Variants in ZNF99 observed in about 807,000 individuals in gnomAD.
ZNF99 encodes the protein zinc finger protein ENSP00000375192.
In ZNF99, 8 loss-of-function variants were observed where a neutral mutation model predicts 12.8. The observed-to-expected ratio is 0.62, with a 90% confidence interval of 0.37 to 1.13. The LOEUF is 1.13. Ranked by LOEUF, ZNF99 falls within the 50% of genes most tolerant of loss-of-function variation. The probability of loss-of-function intolerance (pLI) is 0.02; values close to 1 mark genes in which losing one functional copy is unlikely to be tolerated. For missense variants in ZNF99, 1,007 were observed against 1,006.2 expected, an observed-to-expected ratio of 1.00 and a Z score of -0.01; for synonymous variants, 318 against 319.0, an observed-to-expected ratio of 1.00 and a Z score of 0.03.
chr19:22,769,583 C>T (rs924461436), intron 1 of ZNF99, among the ~76,000 whole-genome samples: 2 of 151,814 alleles, frequency 1.3e-5, no homozygotes, highest in Admixed American at 6.6e-5. Flanking sequence ...CTGGCTAACA[C>T]GGTGAAACCC....
In ZNF99 at chr19:22,755,860, T is replaced by G. The variant is rs1287560413; in HGVS notation, c.*1454A>C. On this transcript the variant is annotated 3_prime_UTR_variant, in exon 4 of 4. Transcript: ENST00000596209. ...CCAGTTAAAAGCTTTGCCATATTAT[T>G]CACATTTGTGGAGTTTATCTTCTTT... 6.1e-6 allele frequency: 2 copies of G among 328,730 alleles called. No individual in the cohort carries two copies. The highest frequency in any genetic ancestry group is 1.2e-5 in the Non-Finnish European group (2 of 165,672). The allele number at this position is 328,730 out of a possible 1,614,324, so 20.4% of individuals were successfully genotyped here. A position where few individuals can be genotyped will look rare whatever the true frequency, so the allele number is the denominator to read the frequency against.
At chr19:22,764,223 A>C (rs1303897851) in intron 3 of ZNF99, among the ~76,000 whole-genome samples, 1 of 152,104 alleles carries the variant, frequency 6.6e-6, no homozygotes, top group Non-Finnish European at 1.5e-5. Context: ...TCTTTTCAAC[A>C]AATGATGCTG....
Position 22,768,382 on chromosome 19 carries a change from A to G in ZNF99, c.149T>C (p.Leu50Pro), listed in dbSNP as rs2145150902. ...TTGCTTCAGACAAGTTATCAAGTCT[A>G]GCTTAGAGACAGCGATACCTGTTTT... ...LVFLGIAVSK[L>P]DLITCLKQGK... is the part of the protein sequence containing the mutation. Residue 50 changes from leucine to proline, a missense_variant, in exon 3 of 4, where the codon CTA (leucine) becomes CCA (proline). Leu to Pro is a moderately conservative substitution (Grantham distance 98). Coordinates refer to ENST00000596209, the MANE Select transcript of ZNF99 (RefSeq NM_001080409.3). 1 of 1,612,358 alleles carries G rather than the reference A, an allele frequency of 6.2e-7. No homozygotes were observed. Among genetic ancestry groups the G allele is most frequent in the South Asian group, 1.1e-5 (1 of 90,408 alleles).
intron 1 of ZNF99, among the ~76,000 whole-genome samples, chr19:22,782,661 CTTTTTTTTTT>C (rs71180598): frequency 1.2e-5 from 1 of 86,638 alleles, no homozygotes; most frequent in East Asian, 3.6e-4. Context: ...CGCACCTGGC[CTTTTTTTTTT>C]TTTTTTTTTT....
chr19:22,780,962 T>C (rs575210443), intron 1 of ZNF99, among the ~76,000 whole-genome samples: 7 of 152,230 alleles, frequency 4.6e-5, no homozygotes, highest in Non-Finnish European at 1.0e-4. Flanking sequence ...CTTGGTAGCA[T>C]TTGAAAAGTC....
In ZNF99 at chr19:22,756,627, T is replaced by C. The variant is rs146384691; in HGVS notation, c.*687A>G. Reference sequence around the variant, plus strand: ...TGCCACATTCTTCACATTTGTACGGTTTCTCCCCAGTATGAATTATCTTAT... The same window carrying C: ...TGCCACATTCTTCACATTTGTACGGCTTCTCCCCAGTATGAATTATCTTAT... On this transcript the variant is annotated 3_prime_UTR_variant, in exon 4 of 4. Transcript: ENST00000596209. 6 of 1,595,956 alleles carry C rather than the reference T, an allele frequency of 3.8e-6. 2 individuals are homozygous for C. In the African/African-American group the frequency reaches 9.1e-5, roughly 24 times the overall value.
rs1338399557 is a variant in ZNF99, at chr19:22,757,429, T to C, written c.2480A>G (p.Gln827Arg). ...ATGTAAAGTAAGTTTTGAGGACCAC[T>C]GAAAAGCTTTACCACATTCTTCACA... is the stretch of plus-strand genomic sequence containing the variant. ...YKCEECGKAF[Q>R]WSSKLTLHKV... The change falls in exon 4 of 4, where the codon CAG (glutamine) becomes CGG (arginine). Residue 827 changes from glutamine (Q) to arginine (R), a missense_variant. Physicochemically the swap from Gln to Arg is conservative, Grantham distance 43 (BLOSUM62 1). Coordinates refer to ENST00000596209, the MANE Select transcript of ZNF99 (RefSeq NM_001080409.3). 3.7e-6 allele frequency: 6 copies of C among 1,609,268 alleles called. No individual in the cohort carries two copies. The highest frequency in any genetic ancestry group is 5.1e-6 in the Non-Finnish European group (6 of 1,178,752).
chr19:22,759,310 A>C lies in ZNF99; in HGVS notation c.599T>G (p.Ile200Ser), dbSNP rs924000460. The change falls in exon 4 of 4, where the codon ATC becomes AGC. Residue 200 changes from isoleucine (I) to serine (S), a missense_variant. Ile to Ser is a moderately radical substitution (Grantham distance 142). Transcript: ENST00000596209. ...TTTGCCACGTTCTTCACATTTGTAGATATTCTCTCTAGTATGAATTCTCTT... is the reference window on the plus strand; with the variant it reads ...TTTGCCACGTTCTTCACATTTGTAGCTATTCTCTCTAGTATGAATTCTCTT... ...QHKRIHTREN[I>S]YKCEERGKAF... The C allele has an allele frequency of 1.3e-6, 2 of 1,549,160 alleles. No individual in the cohort carries two copies. The highest frequency in any genetic ancestry group is 2.7e-5 in the African/African-American group (2 of 72,994).
Position 22,753,012 on chromosome 19 carries a change from T to C in ZNF99, c.*4302A>G, listed in dbSNP as rs560813661. The C allele has an allele frequency of 3.3e-5, 5 of 152,210 alleles. No individual in the cohort carries two copies. Among genetic ancestry groups the C allele is most frequent in the Non-Finnish European group, 7.4e-5 (5 of 67,966 alleles). The allele number at this position is 152,210 out of a possible 1,614,324, so 9.4% of individuals were successfully genotyped here. ...AAAAAGGTCATAAATAATGCCCATC[T>C]AATAAAAAAGAATCTTTCATATCTC... On this transcript the variant is annotated 3_prime_UTR_variant, in exon 4 of 4. Transcript: ENST00000596209.
intron 1 of ZNF99, among the ~76,000 whole-genome samples, chr19:22,776,098 C>G (rs1347840944): frequency 6.6e-6 from 1 of 151,834 alleles, no homozygotes; most frequent in African/African-American, 2.4e-5. Flanking sequence ...CGCCTGTAAT[C>G]CCAGCATCTT....
At chr19:22,770,503 C>T (rs111675286) in intron 1 of ZNF99, 13,046 of 152,392 alleles carry the variant, frequency 0.086, 573 homozygotes, top group Middle Eastern at 0.11. Flanking sequence ...ACTACAGGCG[C>T]GTGCCACCAC....
At chr19:22,775,973 G>A (rs1973321685) in intron 1 of ZNF99, among the ~76,000 whole-genome samples, 1 of 152,174 alleles carries the variant, frequency 6.6e-6, no homozygotes, top group Non-Finnish European at 1.5e-5. Context: ...AGTGTGCCGA[G>A]ACTGTGCCAC....
intron 1 of ZNF99, among the ~76,000 whole-genome samples, chr19:22,776,424 T>TG (rs1973328612): frequency 4.2e-5 from 1 of 23,744 alleles, no homozygotes; most frequent in Non-Finnish European, 7.9e-5. Context: ...TATATATATA[T>TG]ATATATATAT....
rs775581334 is a variant in ZNF99, at chr19:22,758,723, G to A, written c.1186C>T (p.Pro396Ser). ...KHEIIHTGQK[P>S]YKCEECGKAF... ...TTACCACATTCTTCACATTTGTAGG[G>A]TTTCTGTCCAGTATGAATTATCTCA... The change falls in exon 4 of 4, where the codon CCC (proline) becomes TCC (serine). Residue 396 changes from proline to serine, a missense_variant. Coordinates refer to ENST00000596209, the MANE Select transcript of ZNF99 (RefSeq NM_001080409.3). The A allele has an allele frequency of 5.3e-5, 85 of 1,613,574 alleles. No homozygotes were observed. The highest frequency in any genetic ancestry group is 1.7e-4 in the Middle Eastern group (1 of 6,054).
intron 1 of ZNF99, among the ~76,000 whole-genome samples, chr19:22,782,366 T>C (rs1371841487): frequency 1.3e-5 from 2 of 150,274 alleles, no homozygotes; most frequent in East Asian, 2.0e-4. Flanking sequence ...TTTTTTTTTC[T>C]TTTTTTTTAA....
At chr19:22,782,722 T>G (rs1973402913) in intron 1 of ZNF99, among the ~76,000 whole-genome samples, 1 of 132,646 alleles carries the variant, frequency 7.5e-6, no homozygotes, top group Non-Finnish European at 1.6e-5. Context: ...CCCAGGCTGG[T>G]GTGCAGTGGC....
rs776945248 is a variant in ZNF99 at position 22,769,264 on chromosome 19, C to T, written c.64G>A (p.Asp22Asn). 4 of 1,610,284 alleles carry T rather than the reference C, an allele frequency of 2.5e-6. No homozygotes were observed. Among genetic ancestry groups the T allele is most frequent in the South Asian group, 1.1e-5 (1 of 90,968 alleles). Residue 22 changes from aspartate to asparagine, a missense_variant, in exon 2 of 4, where the codon GAC becomes AAC. Physicochemically the swap from Asp to Asn is conservative, Grantham distance 23 (BLOSUM62 1). Transcript: ENST00000596209. ...EFALEEWQCL[D>N]MAQQNLYRNV... ...CTATATAAATTCTGCTGAGCCATGT[C>T]CAGGCATTGCCACTCCTCCAGAGCG... is the stretch of plus-strand genomic sequence containing the variant.
Position 22,758,813 on chromosome 19 carries a change from C to G in ZNF99, c.1096G>C (p.Glu366Gln), listed in dbSNP as rs771121158. The G allele has an allele frequency of 2.5e-6, 4 of 1,603,062 alleles. No individual in the cohort carries two copies. Among genetic ancestry groups the G allele is most frequent in the Admixed American group, 1.7e-5 (1 of 59,570 alleles). Residue 366 changes from glutamate to glutamine, a missense_variant, in exon 4 of 4, where the codon GAG becomes CAG. Physicochemically the swap from Glu to Gln is conservative, Grantham distance 29 (BLOSUM62 2). Coordinates refer to ENST00000596209, the MANE Select transcript of ZNF99 (RefSeq NM_001080409.3). ...CATTCTTCATATTTGTAGGGTTTCTCTTCAGTATGAATTATCTCATGTTTT... is the reference window on the plus strand; with the variant it reads ...CATTCTTCATATTTGTAGGGTTTCTGTTCAGTATGAATTATCTCATGTTTT... Reference protein sequence around the residue: ...LRKHEIIHTEEKPYKYEECGK... With the variant: ...LRKHEIIHTEQKPYKYEECGK...
intron 3 of ZNF99, 89 bp from the exon 4 acceptor site, chr19:22,759,771 G>A (rs760390479): frequency 9.9e-5 from 97 of 981,830 alleles, no homozygotes; most frequent in South Asian, 1.2e-4. Context: ...TATACAAACC[G>A]CTTAAGCAAG....
Sources: allele counts gnomAD v4.1 joint callset (sites outside exome capture counted in the v4.1 genomes callset), GRCh38; gene constraint gnomAD v4.1.1; transcripts MANE v1.5; gene names NCBI Gene and HGNC (gene_info 2026-07-23, HGNC 2026-07-21).